SPOCK3: variants seen among roughly 807,000 people sequenced by gnomAD.
SPOCK3 encodes SPARC (osteonectin), cwcv and kazal like domains proteoglycan 3, also known as testican-3.
A neutral mutation model predicts 56.6 loss-of-function variants in SPOCK3; 30 were observed. That is an observed-to-expected ratio of 0.53 (90% CI 0.40 to 0.72). The LOEUF (loss-of-function observed/expected upper bound fraction) is 0.72. Ranked by LOEUF, SPOCK3 falls within the 30% of genes least tolerant of loss-of-function variation. The pLI is 0.00. For missense variants in SPOCK3, 527 were observed against 530.0 expected, an observed-to-expected ratio of 0.99 and a Z score of 0.06; for synonymous variants, 196 against 183.3, an observed-to-expected ratio of 1.07 and a Z score of -0.56.
intron 4 of SPOCK3, among the ~76,000 whole-genome samples, chr4:166,936,946 C>T (rs1740470428): frequency 6.6e-6 from 1 of 151,852 alleles, no homozygotes; most frequent in Admixed American, 6.6e-5. Context: ...ATTTTCTAAC[C>T]TTAATTGTAA....
At chr4:167,213,622 T>G (rs573832660) in intron 2 of SPOCK3, among the ~76,000 whole-genome samples, 5 of 152,262 alleles carry the variant, frequency 3.3e-5, no homozygotes, top group Admixed American at 2.0e-4. Flanking sequence ...CCAGAAATAT[T>G]CATTTAAATA....
chr4:166,953,155 A>G (rs1179323193), intron 4 of SPOCK3, among the ~76,000 whole-genome samples: 3 of 151,406 alleles, frequency 2.0e-5, no homozygotes, highest in Non-Finnish European at 4.4e-5. Context: ...GCAACCTACA[A>G]AATGGGAGAA....
chr4:167,221,428 A>T (rs1735908517), intron 2 of SPOCK3, among the ~76,000 whole-genome samples: 1 of 152,074 alleles, frequency 6.6e-6, no homozygotes, highest in South Asian at 2.1e-4. Flanking sequence ...GTCTGTAGTA[A>T]CTGTTTTAAA....
intron 2 of SPOCK3, among the ~76,000 whole-genome samples, chr4:167,213,451 G>A (rs1055947256): frequency 6.6e-6 from 1 of 152,060 alleles, no homozygotes; most frequent in South Asian, 2.1e-4. Flanking sequence ...AAAAGGTTAT[G>A]TGATATTATA....
intron 2 of SPOCK3, among the ~76,000 whole-genome samples, chr4:167,114,334 G>C (rs1561230725): frequency 1.3e-5 from 2 of 152,104 alleles, no homozygotes; most frequent in Non-Finnish European, 2.9e-5. Flanking sequence ...TCTAAGTTGA[G>C]AAAAAGATGC....
chr4:166,884,520 C>T (rs1413709977), intron 6 of SPOCK3, among the ~76,000 whole-genome samples: 1 of 151,798 alleles, frequency 6.6e-6, no homozygotes, highest in African/African-American at 2.4e-5. Flanking sequence ...CAATTTTTAC[C>T]ACCCAATATG....
chr4:166,748,712 G>A (rs1437342243), intron 8 of SPOCK3, among the ~76,000 whole-genome samples: 1 of 136,648 alleles, frequency 7.3e-6, no homozygotes, highest in Non-Finnish European at 1.5e-5. Flanking sequence ...CTACAGAATG[G>A]GAGAAAATTT....
At position 166,742,063 on chromosome 4, in the gene SPOCK3, C is replaced by T. The variant is rs903032713; in HGVS notation, c.932-4G>A. 1.2e-6 allele frequency: 2 copies of T among 1,608,556 alleles called. No homozygotes were observed. Among genetic ancestry groups the T allele is most frequent in the Non-Finnish European group, 1.7e-6 (2 of 1,175,736 alleles). On this transcript the variant is annotated splice_polypyrimidine_tract_variant and splice_region_variant and intron_variant, in intron 8 of 10. Transcript: ENST00000357545. ...AGCTCAGTCTGGCAAGGTGGGTCTG[C>T]AATGACATTAAAAATGTTACTTCAA...
chr4:167,223,914 T>G (rs971823016), intron 2 of SPOCK3, among the ~76,000 whole-genome samples: 3 of 152,134 alleles, frequency 2.0e-5, no homozygotes, highest in African/African-American at 7.2e-5. Flanking sequence ...ATTATAAAAT[T>G]TTTAGTACTT....
intron 6 of SPOCK3, among the ~76,000 whole-genome samples, chr4:166,819,369 T>G (rs1357759446): frequency 6.6e-6 from 1 of 151,918 alleles, no homozygotes; most frequent in African/African-American, 2.4e-5. Context: ...GGGCTTTCAG[T>G]CAGAGAAAGG....
At chr4:166,823,529 C>T (rs557437475) in intron 6 of SPOCK3, among the ~76,000 whole-genome samples, 41 of 152,200 alleles carry the variant, frequency 2.7e-4, no homozygotes, top group African/African-American at 9.6e-4. Flanking sequence ...TTCTGACTCA[C>T]TCTTTACCAA....
At chr4:166,923,953 G>C (rs1411459848) in intron 4 of SPOCK3, among the ~76,000 whole-genome samples, 1 of 152,114 alleles carries the variant, frequency 6.6e-6, no homozygotes, top group Non-Finnish European at 1.5e-5. Context: ...AGGGGCTAAT[G>C]ATAATGGGGT....
chr4:166,738,733 C>T (rs1048518754), intron 9 of SPOCK3, among the ~76,000 whole-genome samples: 10 of 148,322 alleles, frequency 6.7e-5, no homozygotes, highest in African/African-American at 2.2e-4. Context: ...GGTTTTTTGT[C>T]CTTGCGATAG....
intron 5 of SPOCK3, among the ~76,000 whole-genome samples, chr4:166,896,785 A>G (rs1016988066): frequency 6.6e-6 from 1 of 152,204 alleles, no homozygotes; most frequent in Non-Finnish European, 1.5e-5. Flanking sequence ...GTGCAATAGA[A>G]TCAGTCTTAC....
chr4:167,017,315 C>A (rs1018952780), intron 3 of SPOCK3, among the ~76,000 whole-genome samples: 6 of 152,040 alleles, frequency 3.9e-5, no homozygotes, highest in Non-Finnish European at 8.8e-5. Context: ...ATCTTAATAA[C>A]CTTGGGAGGA....
At chr4:166,887,014 G>A (rs957521755) in intron 6 of SPOCK3, among the ~76,000 whole-genome samples, 6 of 152,032 alleles carry the variant, frequency 3.9e-5, no homozygotes, top group African/African-American at 1.4e-4. Flanking sequence ...CTCTTTCTAC[G>A]CACAATTGAA....
intron 4 of SPOCK3, chr4:166,918,286 A>G (rs1397705457): frequency 6.6e-6 from 1 of 152,206 alleles, no homozygotes; most frequent in Non-Finnish European, 1.5e-5. Context: ...TTTACTTTAA[A>G]TGATTTCTAT....
At chr4:167,125,085 A>G (rs1213877994) in intron 2 of SPOCK3, among the ~76,000 whole-genome samples, 1 of 151,992 alleles carries the variant, frequency 6.6e-6, no homozygotes. Flanking sequence ...CTTGCTTACT[A>G]TATTTTTTCC....
At chr4:167,096,975 C>G (rs905167428) in intron 2 of SPOCK3, among the ~76,000 whole-genome samples, 1 of 151,684 alleles carries the variant, frequency 6.6e-6, no homozygotes, top group Non-Finnish European at 1.5e-5. Flanking sequence ...GTTATGTCTT[C>G]TTAGAAAATT....
Sources: allele counts gnomAD v4.1 joint callset (sites outside exome capture counted in the v4.1 genomes callset), GRCh38; gene constraint gnomAD v4.1.1; transcripts MANE v1.5; gene names NCBI Gene and HGNC (gene_info 2026-07-23, HGNC 2026-07-21).